The following KIF18A variants were observed in gnomAD, a reference collection of about 807,000 sequenced individuals.
KIF18A encodes kinesin-like protein KIF18A.
Under a neutral mutation model 103.3 loss-of-function variants are expected in KIF18A, and 67 were observed. The observed-to-expected ratio is 0.65, with a 90% confidence interval of 0.53 to 0.79. The LOEUF (loss-of-function observed/expected upper bound fraction) is 0.79, where lower values mean the gene tolerates loss of function less well. Among genes scored for constraint, KIF18A ranks in the 30% least tolerant of loss-of-function variants. KIF18A has a pLI of 0.00. For missense variants in KIF18A, 1,032 were observed against 1,062.5 expected (o/e 0.97, Z 0.40); for synonymous variants, 367 against 355.5 (o/e 1.03, Z -0.36).
chr11:28,091,352 A>G (rs1590708211), intron 4 of KIF18A, 57 bp downstream of exon 4: 2 of 906,596 alleles, frequency 2.2e-6, no homozygotes, highest in Non-Finnish European at 3.5e-6. Context: ...GCTGGTGAAA[A>G]TAGCTTAATA....
At chr11:28,090,026 C>T (rs1045983261) in intron 5 of KIF18A, among the ~76,000 whole-genome samples, 1 of 152,150 alleles carries the variant, frequency 6.6e-6, no homozygotes, top group Non-Finnish European at 1.5e-5. Context: ...ATTCTTTCAA[C>T]TATAACAATT....
intron 13 of KIF18A, among the ~76,000 whole-genome samples, chr11:28,038,002 GA>G (rs1254150941): frequency 6.6e-6 from 1 of 151,114 alleles, no homozygotes; most frequent in Non-Finnish European, 1.5e-5. Context: ...CAAATTACTA[GA>G]TTTTTTTTTC....
At chr11:28,063,358 G>T (rs1449866269) in intron 11 of KIF18A, among the ~76,000 whole-genome samples, 1 of 151,998 alleles carries the variant, frequency 6.6e-6, no homozygotes, top group Non-Finnish European at 1.5e-5. Context: ...TCCTTTAAAA[G>T]AAAAATATCC....
At chr11:28,085,689 A>T (rs1323462426) in intron 6 of KIF18A, among the ~76,000 whole-genome samples, 1 of 151,962 alleles carries the variant, frequency 6.6e-6, no homozygotes, top group African/African-American at 2.4e-5. Flanking sequence ...CAGCGCGCCC[A>T]GCTGTTCGGG....
chr11:28,047,609 C>G (rs1257271303), intron 13 of KIF18A, among the ~76,000 whole-genome samples: 1 of 152,056 alleles, frequency 6.6e-6, no homozygotes, highest in African/African-American at 2.4e-5. Flanking sequence ...GTCATGATAG[C>G]AATTATATTT....
intron 1 of KIF18A, among the ~76,000 whole-genome samples, chr11:28,105,397 C>T (rs1273322125): frequency 6.6e-6 from 1 of 151,984 alleles, no homozygotes; most frequent in African/African-American, 2.4e-5. Flanking sequence ...ATATATATTG[C>T]TTACTTTTTT....
At chr11:28,041,512 A>G (rs1650671287) in intron 13 of KIF18A, among the ~76,000 whole-genome samples, 1 of 151,818 alleles carries the variant, frequency 6.6e-6, no homozygotes, top group African/African-American at 2.4e-5. Flanking sequence ...GAGGCTAGAG[A>G]GATCAAAAGG....
chr11:28,073,303 T>G (rs940621841), intron 10 of KIF18A, among the ~76,000 whole-genome samples: 2 of 151,970 alleles, frequency 1.3e-5, no homozygotes, highest in African/African-American at 4.8e-5. Flanking sequence ...CCTGCTCTGG[T>G]CAAACTCAGC....
At chr11:28,103,744 A>C (rs1295619007) in intron 1 of KIF18A, among the ~76,000 whole-genome samples, 2 of 152,156 alleles carry the variant, frequency 1.3e-5, no homozygotes, top group South Asian at 2.1e-4. Flanking sequence ...AGGAAAAAGA[A>C]AATGTATATC....
rs200977819 is a variant in KIF18A at position 28,059,062 on chromosome 11, G to C, written c.1812C>G (p.Ile604Met). The change falls in exon 13 of 17, where the codon ATC (isoleucine) becomes ATG (methionine). Residue 604 changes from isoleucine to methionine, a missense_variant. Physicochemically the swap from Ile to Met is conservative, Grantham distance 10 (BLOSUM62 1). Coordinates refer to ENST00000263181, the MANE Select transcript of KIF18A (RefSeq NM_031217.4). The part of the protein sequence containing the change: ...NAAFESDFKE[I>M]EHLVERKKVV... The stretch of plus-strand genomic sequence containing the variant: ...CTTTTTTCCTCTCTACCAAATGTTC[G>C]ATCTCTTTGAAGTCAGATTCAAAAG... The C allele has an allele frequency of 1.9e-6, 3 of 1,613,922 alleles. No individual in the cohort carries two copies. The highest frequency in any genetic ancestry group is 1.6e-4 in the Middle Eastern group (1 of 6,062).
intron 15 of KIF18A, among the ~76,000 whole-genome samples, chr11:28,025,833 C>T (rs1426346966): frequency 6.6e-6 from 1 of 151,866 alleles, no homozygotes; most frequent in East Asian, 1.9e-4. Flanking sequence ...AAGAATTAAC[C>T]TTTTGCTCCC....
intron 1 of KIF18A, among the ~76,000 whole-genome samples, chr11:28,104,129 A>G (rs193052294): frequency 1.7e-4 from 26 of 152,266 alleles, no homozygotes; most frequent in Admixed American, 1.2e-3. Context: ...TTAAAGATTC[A>G]CCCCTAATTA....
In KIF18A at chr11:28,068,222, G is replaced by A. The variant is rs1160469786; in HGVS notation, c.1590+1037C>T. On this transcript the variant is annotated intron_variant, in intron 11 of 16. Coordinates refer to ENST00000263181, the MANE Select transcript of KIF18A (RefSeq NM_031217.4). ...CACTCACAAGTGGGAGTTGAACAAT[G>A]AGAACACATGGACACAGGGAGGGGA... Among the ~76,000 whole-genome samples the A allele has an allele frequency of 6.6e-5, 10 of 152,176 alleles. No individual in the cohort carries two copies. The South Asian group carries it at 1.5e-3, about 22-fold the overall frequency.
chr11:28,030,423 A>T (rs971588294), intron 15 of KIF18A, among the ~76,000 whole-genome samples: 3 of 152,008 alleles, frequency 2.0e-5, no homozygotes, highest in African/African-American at 7.3e-5. Flanking sequence ...AAAAACAAGA[A>T]ATGGGGAAAG....
chr11:28,084,852 A>C, intron 6 of KIF18A, 44 bp from the exon 7 acceptor site: 1 of 1,489,890 alleles, frequency 6.7e-7, no homozygotes, highest in Non-Finnish European at 9.3e-7. Flanking sequence ...TCCACATTTA[A>C]ATGCAAACCT....
chr11:28,037,218 A>G (rs1850504874), intron 13 of KIF18A, among the ~76,000 whole-genome samples: 1 of 151,570 alleles, frequency 6.6e-6, no homozygotes, highest in Non-Finnish European at 1.5e-5. Flanking sequence ...AGTCTAAATG[A>G]ACAAGAATGG....
intron 6 of KIF18A, among the ~76,000 whole-genome samples, chr11:28,086,834 G>A (rs1276215707): frequency 6.6e-6 from 1 of 151,974 alleles, no homozygotes. Flanking sequence ...TAGTTCATAT[G>A]GCAAAAATCT....
chr11:28,104,040 G>A (rs1358481702), intron 1 of KIF18A, among the ~76,000 whole-genome samples: 1 of 152,092 alleles, frequency 6.6e-6, no homozygotes, highest in African/African-American at 2.4e-5. Context: ...TATTTATCCT[G>A]AATACTTGCA....
At chr11:28,078,512 A>G (rs1251210289) in intron 9 of KIF18A, among the ~76,000 whole-genome samples, 3 of 152,154 alleles carry the variant, frequency 2.0e-5, no homozygotes, top group Non-Finnish European at 4.4e-5. Flanking sequence ...AATTGGTATC[A>G]AAGGTTTCTA....
Sources: gnomAD v4.1 joint callset for allele counts (sites outside exome capture counted in the v4.1 genomes callset) on GRCh38, gnomAD v4.1.1 for gene constraint, MANE v1.5 for transcripts, NCBI Gene and HGNC (gene_info 2026-07-23, HGNC 2026-07-21) for gene names.